The following RFTN2 variants were observed in gnomAD, a reference collection of about 807,000 sequenced individuals.
RFTN2 encodes raftlin-2.
A neutral mutation model predicts 52.7 loss-of-function variants in RFTN2; 34 were observed. That is an observed-to-expected ratio of 0.64 (90% CI 0.49 to 0.86). The LOEUF is 0.86. RFTN2 is among the 40% of genes least tolerant of loss of function. The probability of loss-of-function intolerance (pLI) is 0.00; values close to 1 mark genes in which losing one functional copy is unlikely to be tolerated. For synonymous variants in RFTN2, 203 were observed against 217.7 expected (o/e 0.93, Z 0.59); for missense variants, 536 against 600.1 (o/e 0.89, Z 1.12).
At chr2:197,585,217 C>G (rs1394299420) in intron 8 of RFTN2, among the ~76,000 whole-genome samples, 2 of 152,112 alleles carry the variant, frequency 1.3e-5, no homozygotes, top group African/African-American at 4.8e-5. Flanking sequence ...ACTATTCATC[C>G]TTACCCTACT....
intron 7 of RFTN2, among the ~76,000 whole-genome samples, chr2:197,610,422 T>C (rs905782195): frequency 1.3e-5 from 2 of 152,142 alleles, no homozygotes; most frequent in African/African-American, 4.8e-5. Flanking sequence ...CTGTCTGTTA[T>C]TGGTGTATAG....
rs2088748101 is a variant in RFTN2 at position 197,646,354 on chromosome 2, T to C, written c.323+129A>G. ...CTTGCTTCAATCCAGGTTCCACTGC[T>C]GGAAAATGTGCTTTAAACTAAAACC... On this transcript the variant is annotated intron_variant, in intron 2 of 8. Coordinates refer to ENST00000295049, the MANE Select transcript of RFTN2 (RefSeq NM_144629.3). The C allele has an allele frequency of 4.5e-6, 3 of 659,886 alleles. No individual in the cohort carries two copies. In the South Asian group the frequency reaches 8.1e-5, roughly 18 times the overall value. The allele number at this position is 659,886 out of a possible 1,614,324, so 40.9% of individuals were successfully genotyped here.
chr2:197,586,724 T>A (rs1271683851), intron 8 of RFTN2, among the ~76,000 whole-genome samples: 1 of 152,206 alleles, frequency 6.6e-6, no homozygotes, highest in East Asian at 1.9e-4. Context: ...GCCTCTCTAA[T>A]GACTTCTCTG....
intron 1 of RFTN2, among the ~76,000 whole-genome samples, chr2:197,654,202 A>G (rs572637504): frequency 2.0e-5 from 3 of 152,136 alleles, no homozygotes; most frequent in Non-Finnish European, 4.4e-5. Context: ...AACCTGGGCT[A>G]TAATGAGACA....
At chr2:197,630,987 A>G in intron 5 of RFTN2, 24 bp downstream of exon 5, 1 of 1,464,948 alleles carries the variant, frequency 6.8e-7, no homozygotes, top group East Asian at 2.3e-5. Flanking sequence ...CTCAGATATA[A>G]AATATCATTA....
rs1559335234 is a variant in RFTN2, at chr2:197,575,837, T to TATTC, written c.1234-3558_1234-3557insGAAT. The stretch of plus-strand genomic sequence containing the variant: ...TAATATATATTCTATATATAATATA[T>TATTC]TATATATATTTTATATACATAATAT... On this transcript the variant is annotated intron_variant, in intron 8 of 8. Coordinates refer to ENST00000295049, the MANE Select transcript of RFTN2 (RefSeq NM_144629.3). Among the ~76,000 whole-genome samples the TATTC allele has an allele frequency of 7.3e-3, 252 of 34,374 alleles. 1 individual carries two copies. Among genetic ancestry groups the TATTC allele is most frequent in the Non-Finnish European group, 9.8e-3 (130 of 13,224 alleles). The allele number at this position is 34,374 out of a possible 152,430, so 22.6% of individuals were successfully genotyped here.
At chr2:197,607,612 TG>T (rs2106200774) in intron 7 of RFTN2, among the ~76,000 whole-genome samples, 1 of 152,254 alleles carries the variant, frequency 6.6e-6, no homozygotes, top group East Asian at 1.9e-4. Context: ...TTAATTGTCG[TG>T]GCTTAACATT....
At chr2:197,658,363 T>C (rs944549510) in intron 1 of RFTN2, among the ~76,000 whole-genome samples, 4 of 151,990 alleles carry the variant, frequency 2.6e-5, no homozygotes, top group Non-Finnish European at 5.9e-5. Context: ...CTCGACCTCC[T>C]GGGCTCAGGT....
chr2:197,604,961 A>G (rs2087935911), intron 7 of RFTN2, among the ~76,000 whole-genome samples: 1 of 151,722 alleles, frequency 6.6e-6, no homozygotes, highest in Admixed American at 6.6e-5. Flanking sequence ...GGGTTTTGCC[A>G]TGTTGGCCAG....
At chr2:197,668,183 G>A (rs978823758) in intron 1 of RFTN2, among the ~76,000 whole-genome samples, 4 of 152,112 alleles carry the variant, frequency 2.6e-5, no homozygotes, top group Non-Finnish European at 5.9e-5. Context: ...GAGTGTTCAG[G>A]TAGCAATGGT....
intron 8 of RFTN2, among the ~76,000 whole-genome samples, chr2:197,584,672 T>G (rs1208003509): frequency 6.6e-6 from 1 of 152,218 alleles, no homozygotes; most frequent in Non-Finnish European, 1.5e-5. Context: ...GTTTTAGACA[T>G]GAGGACTGGA....
chr2:197,593,598 A>C (rs989118996), intron 8 of RFTN2, among the ~76,000 whole-genome samples: 3 of 152,018 alleles, frequency 2.0e-5, no homozygotes, highest in Admixed American at 1.3e-4. Context: ...TGTTAAAAAG[A>C]AAGAAAGAGG....
rs577404201 is a variant in RFTN2, at chr2:197,601,247, G to T, written c.1155-5178C>A. Among the ~76,000 whole-genome samples the T allele has an allele frequency of 9.0e-4, 137 of 152,322 alleles. 1 individual carries two copies. The highest frequency in any genetic ancestry group is 3.1e-3 in the African/African-American group (130 of 41,570). ...GCATTTCATAAGAAAGCACAAAGAAGATTCTATGTGAATGTCATTTGAGGG... is the reference window on the plus strand; with the variant it reads ...GCATTTCATAAGAAAGCACAAAGAATATTCTATGTGAATGTCATTTGAGGG... On this transcript the variant is annotated intron_variant, in intron 7 of 8. Transcript: ENST00000295049.
In RFTN2 at chr2:197,675,347, A is replaced by G. The variant is rs768752293; in HGVS notation, c.112T>C (p.Tyr38His). 4 of 1,603,778 alleles carry G rather than the reference A, an allele frequency of 2.5e-6. No homozygotes were observed. The South Asian group carries it at 4.5e-5, about 18-fold the overall frequency. The change falls in exon 1 of 9, where the codon TAT (tyrosine) becomes CAT (histidine). Residue 38 changes from tyrosine to histidine, a missense_variant. Physicochemically the swap from Tyr to His is moderately conservative, Grantham distance 83. Coordinates refer to ENST00000295049, the MANE Select transcript of RFTN2 (RefSeq NM_144629.3). ...VETKTEFAYEYVLLDFTLQAS... is the reference protein window; with the variant it reads ...VETKTEFAYEHVLLDFTLQAS... ...TGTAGAGTAAAATCCAGCAATACAT[A>G]TTCGTAAGCAAATTCTGTCTTTGTT...
chr2:197,600,307 A>G (rs937818837), intron 7 of RFTN2, among the ~76,000 whole-genome samples: 6 of 152,232 alleles, frequency 3.9e-5, no homozygotes, highest in African/African-American at 1.4e-4. Flanking sequence ...GACAGCATCC[A>G]GATGCTCAAA....
intron 3 of RFTN2, among the ~76,000 whole-genome samples, chr2:197,635,128 G>T (rs200652413): frequency 0.68 from 103,632 of 151,682 alleles, 35,763 homozygotes; most frequent in Middle Eastern, 0.84. Context: ...TCTTAATCCA[G>T]TCTATGATTG....
chr2:197,664,521 T>C (rs1202659102), intron 1 of RFTN2, among the ~76,000 whole-genome samples: 1 of 149,918 alleles, frequency 6.7e-6, no homozygotes, highest in East Asian at 2.0e-4. Flanking sequence ...ATGCCTGTAC[T>C]CTCAGCAATT....
intron 7 of RFTN2, among the ~76,000 whole-genome samples, chr2:197,608,030 A>T (rs899482653): frequency 2.6e-5 from 4 of 152,196 alleles, no homozygotes; most frequent in Non-Finnish European, 5.9e-5. Context: ...TGCAAAATTT[A>T]AATTAGTAAG....
At chr2:197,620,023 T>G (rs1226710940) in intron 5 of RFTN2, among the ~76,000 whole-genome samples, 2 of 151,980 alleles carry the variant, frequency 1.3e-5, no homozygotes, top group South Asian at 2.1e-4. Flanking sequence ...AATCAAAATT[T>G]GGTTTCGGAT....
Sources: allele counts gnomAD v4.1 joint callset (sites outside exome capture counted in the v4.1 genomes callset), GRCh38; gene constraint gnomAD v4.1.1; transcripts MANE v1.5; gene names NCBI Gene and HGNC (gene_info 2026-07-23, HGNC 2026-07-21).